KMT2E: variants seen among roughly 807,000 people sequenced by gnomAD.
The protein encoded by KMT2E is histone reader KMT2E.
KMT2E carries 30 observed loss-of-function variants against 184.6 expected under a neutral mutation model. The observed-to-expected ratio is 0.16, with a 90% CI of 0.12 to 0.22. KMT2E has a LOEUF of 0.22. KMT2E is among the 10% of genes least tolerant of loss of function. The probability of loss-of-function intolerance (pLI) is 1.00; values close to 1 mark genes in which losing one functional copy is unlikely to be tolerated. For missense variants in KMT2E, 2,023 were observed against 2,237.4 expected (o/e 0.90, Z 1.93); for synonymous variants, 815 against 776.5 (o/e 1.05, Z -0.82).
chr7:105,092,102 C>T (rs912497161), intron 15 of KMT2E, among the ~76,000 whole-genome samples: 2 of 152,116 alleles, frequency 1.3e-5, no homozygotes, highest in Non-Finnish European at 2.9e-5. Context: ...TCTCACGTCA[C>T]ATATTTAAGG....
At chr7:105,093,708 T>C (rs1014211830) in intron 15 of KMT2E, among the ~76,000 whole-genome samples, 4 of 152,072 alleles carry the variant, frequency 2.6e-5, no homozygotes, top group African/African-American at 9.7e-5. Context: ...AATTGTATAC[T>C]CAATGTTAAA....
At chr7:105,071,199 A>G (rs1350023498) in intron 6 of KMT2E, among the ~76,000 whole-genome samples, 3 of 151,708 alleles carry the variant, frequency 2.0e-5, no homozygotes, top group Admixed American at 2.0e-4. Context: ...CTTTTTTTGT[A>G]CTCTATTCAA....
chr7:105,114,912 A>G lies in KMT2E; in HGVS notation c.*1579A>G, dbSNP rs1799541538. 1.3e-5 allele frequency among the ~76,000 whole-genome samples: 2 copies of G among 152,244 alleles called. No homozygotes were observed. The highest frequency in any genetic ancestry group is 2.4e-5 in the African/African-American group (1 of 41,468). The stretch of plus-strand genomic sequence containing the variant: ...CAACAAAATTCTATTTATGGTATTT[A>G]GTAAAGAAACATTTGTCTGAGAAGA... On this transcript the variant is annotated 3_prime_UTR_variant, in exon 27 of 27. Coordinates refer to ENST00000311117, the MANE Select transcript of KMT2E (RefSeq NM_182931.3).
chr7:105,077,171 T>G lies in KMT2E; in HGVS notation c.977T>G (p.Leu326Trp), dbSNP rs770070947. 3 of 1,613,938 alleles carry G rather than the reference T, an allele frequency of 1.9e-6. No individual in the cohort carries two copies. In the Admixed American group the frequency reaches 5.0e-5, roughly 27 times the overall value. ...AAATCCGATTTGAATACCAACAATT[T>G]GCTCTTCAAACCTCCTGTAGAGGTA... ...MNKSDLNTNN[L>W]LFKPPVESHI... Residue 326 changes from leucine (L) to tryptophan (W), a missense_variant, in exon 10 of 27, where the codon TTG becomes TGG. Physicochemically the swap from Leu to Trp is moderately conservative, Grantham distance 61 (BLOSUM62 -2). Transcript: ENST00000311117.
chr7:105,044,697 C>A (rs867786983), intron 3 of KMT2E, among the ~76,000 whole-genome samples: 1 of 152,160 alleles, frequency 6.6e-6, no homozygotes, highest in Non-Finnish European at 1.5e-5. Flanking sequence ...GCACTCAATC[C>A]CATACCAGGC....
chr7:105,037,173 A>C (rs1795695023), intron 1 of KMT2E, among the ~76,000 whole-genome samples: 1 of 152,196 alleles, frequency 6.6e-6, no homozygotes, highest in Admixed American at 6.5e-5. Context: ...ATTAATTTAA[A>C]ATATTTATTG....
At position 105,113,883 on chromosome 7, in the gene KMT2E, T is replaced by G. The variant is rs1158710632; in HGVS notation, c.*550T>G. ...CAAACTGTAAATACTGCATTTCTTT[T>G]GCGTATATAATTGCTTACAGCTTTT... On this transcript the variant is annotated 3_prime_UTR_variant, in exon 27 of 27. Transcript: ENST00000311117. 6.4e-6 allele frequency: 1 copy of G among 155,148 alleles called. No homozygotes were observed. The highest frequency in any genetic ancestry group is 1.5e-5 in the Non-Finnish European group (1 of 68,528). 9.6% of individuals were successfully genotyped at this position (155,148 alleles called of 1,614,324 possible).
intron 1 of KMT2E, among the ~76,000 whole-genome samples, chr7:105,022,389 G>C (rs1274702533): frequency 6.6e-6 from 1 of 151,764 alleles, no homozygotes; most frequent in African/African-American, 2.4e-5. Flanking sequence ...AGTTTGGCTT[G>C]GTCTTAAGGT....
chr7:105,033,184 A>G lies in KMT2E; in HGVS notation c.-188-4942A>G, dbSNP rs575179642. ...ACAATTATTGGTTAAAGCACAGGAG[A>G]TTAAAACTATTTTTTCATGTTACAA... is the stretch of plus-strand genomic sequence containing the variant. On this transcript the variant is annotated intron_variant, in intron 1 of 26. Transcript: ENST00000311117. 3.5e-4 allele frequency among the ~76,000 whole-genome samples: 54 copies of G among 152,348 alleles called. No homozygotes were observed. The South Asian group carries it at 3.9e-3, about 11-fold the overall frequency.
intron 12 of KMT2E, among the ~76,000 whole-genome samples, chr7:105,080,691 G>A (rs1037327348): frequency 5.9e-5 from 9 of 152,178 alleles, no homozygotes; most frequent in Non-Finnish European, 8.8e-5. Context: ...GAAAAGTAGC[G>A]TTTGCTCAAC....
intron 12 of KMT2E, among the ~76,000 whole-genome samples, chr7:105,080,612 T>C (rs1348445342): frequency 6.6e-6 from 1 of 152,236 alleles, no homozygotes; most frequent in African/African-American, 2.4e-5. Flanking sequence ...CAGTTTTATC[T>C]GTAAAAAGGT....
intron 1 of KMT2E, among the ~76,000 whole-genome samples, chr7:105,021,227 A>C (rs1005355351): frequency 2.0e-5 from 3 of 152,234 alleles, no homozygotes; most frequent in African/African-American, 7.2e-5. Context: ...CCAGAAAATA[A>C]GTCTCTGCTT....
intron 17 of KMT2E, 53 bp from the exon 18 acceptor site, chr7:105,105,386 A>G (rs1798854926): frequency 1.5e-6 from 2 of 1,338,598 alleles, no homozygotes; most frequent in Non-Finnish European, 2.0e-6. Context: ...AGAATATTCA[A>G]GGGAGAATTT....
intron 1 of KMT2E, among the ~76,000 whole-genome samples, chr7:105,019,942 A>C (rs1422139351): frequency 6.6e-6 from 1 of 151,000 alleles, no homozygotes; most frequent in African/African-American, 2.4e-5. Flanking sequence ...CCCCATTTCT[A>C]CTAAAAATTA....
chr7:105,041,820 G>A (rs1001604443), intron 3 of KMT2E, among the ~76,000 whole-genome samples: 8 of 151,982 alleles, frequency 5.3e-5, no homozygotes, highest in Admixed American at 5.2e-4. Flanking sequence ...TAACATTTTT[G>A]CTTGTGATTT....
chr7:105,092,028 C>T (rs368750023), intron 15 of KMT2E, among the ~76,000 whole-genome samples: 1 of 152,170 alleles, frequency 6.6e-6, no homozygotes, highest in East Asian at 1.9e-4. Context: ...GCTCCCCATT[C>T]CCCTTTACTT....
At chr7:105,080,115 A>C (rs1214062248) in intron 12 of KMT2E, among the ~76,000 whole-genome samples, 2 of 151,346 alleles carry the variant, frequency 1.3e-5, no homozygotes, top group African/African-American at 4.9e-5. Flanking sequence ...CCTAAATGCT[A>C]GGATTACAGG....
intron 3 of KMT2E, among the ~76,000 whole-genome samples, chr7:105,057,093 A>G (rs1479110598): frequency 6.6e-6 from 1 of 152,248 alleles, no homozygotes. Context: ...TGAAGCAGTC[A>G]AGAAAGGACT....
At chr7:105,086,905 ATAT>A (rs1484842680) in intron 13 of KMT2E, among the ~76,000 whole-genome samples, 1 of 79,746 alleles carries the variant, frequency 1.3e-5, no homozygotes, top group African/African-American at 1.4e-4. Flanking sequence ...TATATATTAT[ATAT>A]TATATAGCAT....
Sources: gnomAD v4.1 joint callset for allele counts (sites outside exome capture counted in the v4.1 genomes callset) on GRCh38, gnomAD v4.1.1 for gene constraint, MANE v1.5 for transcripts, NCBI Gene and HGNC (gene_info 2026-07-23, HGNC 2026-07-21) for gene names.